CEP164: variants seen among roughly 807,000 people sequenced by gnomAD.
CEP164 encodes the protein centrosomal protein 164.
Under a neutral mutation model 182.7 loss-of-function variants are expected in CEP164, and 162 were observed. The observed-to-expected ratio is 0.89, with a 90% confidence interval of 0.78 to 1.01. The LOEUF (loss-of-function observed/expected upper bound fraction) is 1.01. Ranked by LOEUF, CEP164 falls within the 50% of genes least tolerant of loss-of-function variation. The probability of loss-of-function intolerance (pLI) is 0.00; values close to 1 mark genes in which losing one functional copy is unlikely to be tolerated. For missense variants in CEP164, 1,735 were observed against 1,790.4 expected (o/e 0.97, Z 0.56); for synonymous variants, 661 against 690.0 (o/e 0.96, Z 0.66).
At chr11:117,399,542 C>A (rs1262567317) in intron 27 of CEP164, among the ~76,000 whole-genome samples, 1 of 152,166 alleles carries the variant, frequency 6.6e-6, no homozygotes, top group African/African-American at 2.4e-5. Context: ...GGTTCTAGAT[C>A]CTTGAGGCAT....
intron 8 of CEP164, among the ~76,000 whole-genome samples, chr11:117,369,354 A>G (rs527407066): frequency 2.9e-4 from 44 of 152,350 alleles, no homozygotes; most frequent in African/African-American, 1.1e-3. Flanking sequence ...ACATAGAAGT[A>G]AATAATTTGC....
rs2134638539 is a variant in CEP164 at position 117,329,847 on chromosome 11, T to A, written c.-98+1943T>A. Among the ~76,000 whole-genome samples the A allele has an allele frequency of 2.0e-5, 3 of 149,542 alleles. No individual in the cohort carries two copies. The East Asian group carries it at 5.9e-4, about 29-fold the overall frequency. ...GAGCCACTGCGCCTGGCCTTTTTTT[T>A]TTTTTTTTTTTTTTTAACTTTGCTA... On this transcript the variant is annotated intron_variant, in intron 1 of 32. Transcript: ENST00000278935.
rs1258892450 is a variant in CEP164, at chr11:117,393,145, C to T, written c.2616+19C>T. 2 of 1,609,872 alleles carry T rather than the reference C, an allele frequency of 1.2e-6. No homozygotes were observed. The highest frequency in any genetic ancestry group is 2.2e-5 in the East Asian group (1 of 44,732). On this transcript the variant is annotated intron_variant, in intron 20 of 32. Transcript: ENST00000278935. ...AGCTGAGGTAGCTCAGCCACATCCC[C>T]TGCGCGCATGCACACACATGCACAC...
In CEP164 at chr11:117,393,124, G is replaced by A; in HGVS notation, c.2614G>A (p.Glu872Lys). Reference sequence around the variant, plus strand: ...TAAGGCCAGAGAGCAGTATGAAGCTGAGGTAGCTCAGCCACATCCCCTGCG... The same window carrying A: ...TAAGGCCAGAGAGCAGTATGAAGCTAAGGTAGCTCAGCCACATCCCCTGCG... ...MAKAREQYEAEERKQRAELLG... is the reference protein window; with the variant it reads ...MAKAREQYEAKERKQRAELLG... Residue 872 changes from glutamate to lysine, a missense_variant and splice_region_variant, in exon 20 of 33, where the codon GAG (glutamate) becomes AAG (lysine). Coordinates refer to ENST00000278935, the MANE Select transcript of CEP164 (RefSeq NM_014956.5). 6.2e-7 allele frequency: 1 copy of A among 1,612,402 alleles called. No homozygotes were observed. Among genetic ancestry groups the A allele is most frequent in the Non-Finnish European group, 8.5e-7 (1 of 1,179,292 alleles).
At chr11:117,401,682 A>C (rs1296933424) in intron 27 of CEP164, among the ~76,000 whole-genome samples, 2 of 152,086 alleles carry the variant, frequency 1.3e-5, no homozygotes, top group African/African-American at 4.8e-5. Flanking sequence ...CAGGGATTCA[A>C]CTTCTTTCTG....
In CEP164 at chr11:117,336,483, G is replaced by A. The variant is rs184792419; in HGVS notation, c.-22+803G>A. The A allele has an allele frequency of 1.1e-5, 16 of 1,487,284 alleles. No homozygotes were observed. In the Admixed American group the frequency reaches 1.4e-4, roughly 13 times the overall value. The allele number at this position is 1,487,284 out of a possible 1,614,324, so 92.1% of individuals were successfully genotyped here. On this transcript the variant is annotated intron_variant, in intron 2 of 32. Transcript: ENST00000278935. ...CCCCACCTGGGAGGAAAGCTGGATT[G>A]CCCTGGGGAACTCCTAGGGGAGGAG...
At chr11:117,336,370 A>G in intron 2 of CEP164, 1 of 1,416,044 alleles carries the variant, frequency 7.1e-7, no homozygotes, top group Non-Finnish European at 1.0e-6. Flanking sequence ...CACAGGAGGG[A>G]TTCCAGGGGC....
At chr11:117,347,021 C>T (rs1200218628) in intron 4 of CEP164, among the ~76,000 whole-genome samples, 1 of 152,134 alleles carries the variant, frequency 6.6e-6, no homozygotes, top group Non-Finnish European at 1.5e-5. Context: ...ACCCCCTCCC[C>T]AACAATGGTT....
chr11:117,410,796 C>A, intron 30 of CEP164, 32 bp from the exon 31 acceptor site: 1 of 1,596,306 alleles, frequency 6.3e-7, no homozygotes, highest in Non-Finnish European at 8.6e-7. Context: ...GACCACTGCC[C>A]ATTTCTGAGT....
rs758393882 is a variant in CEP164, at chr11:117,408,944, G to T, written c.3664G>T (p.Asp1222Tyr). The T allele has an allele frequency of 1.2e-6, 2 of 1,613,978 alleles. No individual in the cohort carries two copies. The change falls in exon 29 of 33, where the codon GAC becomes TAC. Residue 1222 changes from aspartate to tyrosine, a missense_variant. Asp to Tyr is a radical substitution (Grantham distance 160, BLOSUM62 -3). Transcript: ENST00000278935. Reference protein sequence around the residue: ...GSPTKKAVTFDLSDMDSLSSE... With the variant: ...GSPTKKAVTFYLSDMDSLSSE... The stretch of plus-strand genomic sequence containing the variant: ...CCCCACCAAGAAGGCAGTAACCTTC[G>T]ACCTCAGTGACATGGACAGCCTGAG...
At chr11:117,392,803 C>G (rs2044846573) in intron 19 of CEP164, among the ~76,000 whole-genome samples, 176 bp downstream of exon 19, 1 of 152,142 alleles carries the variant, frequency 6.6e-6, no homozygotes, top group Non-Finnish European at 1.5e-5. Flanking sequence ...CTCCTCCAAT[C>G]TGATGCCCCT....
At chr11:117,393,880 A>G (rs1232146852) in intron 20 of CEP164, among the ~76,000 whole-genome samples, 2 of 152,250 alleles carry the variant, frequency 1.3e-5, no homozygotes, top group Non-Finnish European at 2.9e-5. Context: ...ACTATAGCCC[A>G]CAGCTGGGAC....
At chr11:117,372,811 G>T (rs948733765) in intron 9 of CEP164, among the ~76,000 whole-genome samples, 3 of 152,212 alleles carry the variant, frequency 2.0e-5, no homozygotes, top group South Asian at 2.1e-4. Flanking sequence ...GTGACGAGAT[G>T]GGGGTGGTCG....
rs2043231594 is a variant in CEP164, at chr11:117,380,801, T to C, written c.1409+96T>C. 2.6e-6 allele frequency: 3 copies of C among 1,174,088 alleles called. No homozygotes were observed. In the East Asian group the frequency reaches 7.7e-5, roughly 30 times the overall value. The allele number at this position is 1,174,088 out of a possible 1,614,324, so 72.7% of individuals were successfully genotyped here. On this transcript the variant is annotated intron_variant, in intron 12 of 32. Transcript: ENST00000278935. Reference sequence around the variant, plus strand: ...CTTTGGTGGCCGGCCTGGCTCAGTGTACAGTTGCTTGGCAGCAGGTGATGA... The same window carrying C: ...CTTTGGTGGCCGGCCTGGCTCAGTGCACAGTTGCTTGGCAGCAGGTGATGA...
rs566724990 is a variant in CEP164 at position 117,410,621 on chromosome 11, A to G, written c.4097-207A>G. ...AACAAGGCATTTGAGGGGAAACAAA[A>G]TATCTTCTTTTTGCCCTAACCCAAA... On this transcript the variant is annotated intron_variant, in intron 30 of 32. Transcript: ENST00000278935. The G allele has an allele frequency of 1.2e-5, 6 of 498,892 alleles. No individual in the cohort carries two copies. In the East Asian group the frequency reaches 1.5e-4, roughly 13 times the overall value. The allele number at this position is 498,892 out of a possible 1,614,324, so 30.9% of individuals were successfully genotyped here. A position where few individuals can be genotyped will look rare whatever the true frequency, so the allele number is the denominator to read the frequency against.
In CEP164 at chr11:117,354,993, C is replaced by T. The variant is rs1041679733; in HGVS notation, c.393+3005C>T. 3.9e-6 allele frequency: 5 copies of T among 1,289,440 alleles called. No individual in the cohort carries two copies. The African/African-American group carries it at 4.6e-5, about 12-fold the overall frequency. The allele number at this position is 1,289,440 out of a possible 1,614,324, so 79.9% of individuals were successfully genotyped here. A position where few individuals can be genotyped will look rare whatever the true frequency, so the allele number is the denominator to read the frequency against. ...TCCTTTCTCTGCAGCTTGTCTCCTC[C>T]GTCAGCACCTGGGCTTGCTGATCTG... is the stretch of plus-strand genomic sequence containing the variant. On this transcript the variant is annotated intron_variant, in intron 5 of 32. Coordinates refer to ENST00000278935, the MANE Select transcript of CEP164 (RefSeq NM_014956.5).
At chr11:117,374,816 T>G (rs2042574975) in intron 10 of CEP164, among the ~76,000 whole-genome samples, 1 of 152,244 alleles carries the variant, frequency 6.6e-6, no homozygotes, top group African/African-American at 2.4e-5. Context: ...GAGGAGGCTG[T>G]GGACAGCAGG....
intron 5 of CEP164, chr11:117,355,917 C>A: frequency 9.5e-7 from 1 of 1,047,546 alleles, no homozygotes; most frequent in Non-Finnish European, 1.2e-6. Context: ...GAGCCTCCTG[C>A]CAGTGAGAAG....
intron 14 of CEP164, among the ~76,000 whole-genome samples, chr11:117,384,023 C>G (rs1194730124): frequency 6.6e-6 from 1 of 152,122 alleles, no homozygotes; most frequent in Non-Finnish European, 1.5e-5. Flanking sequence ...GCAACAAGAG[C>G]GAAACTCTGT....
Sources: allele counts gnomAD v4.1 joint callset (sites outside exome capture counted in the v4.1 genomes callset), GRCh38; gene constraint gnomAD v4.1.1; transcripts MANE v1.5; gene names NCBI Gene and HGNC (gene_info 2026-07-23, HGNC 2026-07-21).